The following UBE2E2 variants were observed in gnomAD, a reference collection of about 807,000 sequenced individuals.
The protein encoded by UBE2E2 is ubiquitin-conjugating enzyme E2 E2.
A neutral mutation model predicts 24.7 loss-of-function variants in UBE2E2; 6 were observed. That is an observed-to-expected ratio of 0.24 (90% CI 0.13 to 0.48). The LOEUF (loss-of-function observed/expected upper bound fraction) is 0.48, where lower values mean the gene tolerates loss of function less well. Ranked by LOEUF, UBE2E2 falls within the 20% of genes least tolerant of loss-of-function variation. UBE2E2 has a pLI of 0.99. For missense variants in UBE2E2, 169 were observed against 245.0 expected (o/e 0.69, Z 2.07); for synonymous variants, 104 against 83.6 (o/e 1.24, Z -1.33).
chr3:23,417,990 G>A (rs1697683640), intron 3 of UBE2E2, among the ~76,000 whole-genome samples: 1 of 152,154 alleles, frequency 6.6e-6, no homozygotes, highest in Non-Finnish European at 1.5e-5. Context: ...TTAGCTTGCT[G>A]GGCTCCGTGG....
At chr3:23,460,055 C>CT in intron 3 of UBE2E2, among the ~76,000 whole-genome samples, 1 of 152,180 alleles carries the variant, frequency 6.6e-6, no homozygotes. Flanking sequence ...GATTAAGTGA[C>CT]TAAGCCGGCT....
At chr3:23,258,809 C>A (rs1480382395) in intron 3 of UBE2E2, among the ~76,000 whole-genome samples, 2 of 141,410 alleles carry the variant, frequency 1.4e-5, no homozygotes. Flanking sequence ...AGGAGAATGG[C>A]GTGAACCCGG....
At chr3:23,330,769 C>T (rs868743114) in intron 3 of UBE2E2, among the ~76,000 whole-genome samples, 18 of 152,238 alleles carry the variant, frequency 1.2e-4, no homozygotes, top group South Asian at 8.3e-4. Flanking sequence ...AAGAACAGAT[C>T]GAATTACTAT....
intron 5 of UBE2E2, among the ~76,000 whole-genome samples, chr3:23,533,772 G>A (rs1382072031): frequency 2.6e-5 from 4 of 151,842 alleles, no homozygotes; most frequent in Admixed American, 6.6e-5. Context: ...ACAGCCGTGT[G>A]CCGCCAAGCC....
chr3:23,281,814 T>C (rs1249994170), intron 3 of UBE2E2, among the ~76,000 whole-genome samples: 1 of 152,256 alleles, frequency 6.6e-6, no homozygotes. Flanking sequence ...AGAAATATGA[T>C]ATACAAAATA....
At chr3:23,506,559 C>T (rs891069206) in intron 4 of UBE2E2, among the ~76,000 whole-genome samples, 30 of 152,284 alleles carry the variant, frequency 2.0e-4, no homozygotes, top group African/African-American at 6.7e-4. Flanking sequence ...CGCAAACCAC[C>T]GTCAACTGTT....
At chr3:23,364,572 A>G (rs750968305) in intron 3 of UBE2E2, among the ~76,000 whole-genome samples, 12 of 152,214 alleles carry the variant, frequency 7.9e-5, no homozygotes, top group Non-Finnish European at 1.3e-4. Context: ...AGATTGAACC[A>G]GGAAGAAGTT....
intron 5 of UBE2E2, among the ~76,000 whole-genome samples, chr3:23,555,281 C>T (rs1695750818): frequency 6.6e-6 from 1 of 152,108 alleles, no homozygotes; most frequent in African/African-American, 2.4e-5. Flanking sequence ...AAAAGGTGTT[C>T]AGCATCACTA....
intron 5 of UBE2E2, among the ~76,000 whole-genome samples, chr3:23,571,540 G>A (rs552980854): frequency 3.3e-5 from 5 of 151,508 alleles, no homozygotes; most frequent in Admixed American, 6.6e-5. Flanking sequence ...CGCCCATCTC[G>A]GCCTCCCAAA....
At chr3:23,300,957 A>G (rs1300354631) in intron 3 of UBE2E2, among the ~76,000 whole-genome samples, 2 of 152,116 alleles carry the variant, frequency 1.3e-5, no homozygotes, top group African/African-American at 4.8e-5. Context: ...ACATAGTCCC[A>G]TATTTCTTGG....
intron 3 of UBE2E2, among the ~76,000 whole-genome samples, chr3:23,268,973 A>G (rs1420919080): frequency 2.0e-5 from 3 of 151,952 alleles, no homozygotes; most frequent in Non-Finnish European, 2.9e-5. Flanking sequence ...TATTTAATAA[A>G]TGGTGCTGGG....
chr3:23,453,943 C>A (rs1030622669), intron 3 of UBE2E2, among the ~76,000 whole-genome samples: 1 of 152,152 alleles, frequency 6.6e-6, no homozygotes, highest in African/African-American at 2.4e-5. Flanking sequence ...CCTAGAATGT[C>A]TGCTATAAAA....
chr3:23,420,135 C>G (rs749308212), intron 3 of UBE2E2, among the ~76,000 whole-genome samples: 2 of 152,154 alleles, frequency 1.3e-5, no homozygotes, highest in Non-Finnish European at 1.5e-5. Context: ...GTTTTCTAAC[C>G]TGAATTATTA....
At chr3:23,557,220 C>G (rs1472009614) in intron 5 of UBE2E2, among the ~76,000 whole-genome samples, 3 of 152,134 alleles carry the variant, frequency 2.0e-5, no homozygotes, top group African/African-American at 7.2e-5. Flanking sequence ...TGAGGAGCAC[C>G]TCCTACAACC....
chr3:23,257,926 TTTC>T, intron 3 of UBE2E2, among the ~76,000 whole-genome samples: 1 of 151,788 alleles, frequency 6.6e-6, no homozygotes, highest in African/African-American at 2.4e-5. Context: ...TTTAGATCTC[TTTC>T]GTCTATTCCT....
At chr3:23,375,107 T>C (rs1219151785) in intron 3 of UBE2E2, among the ~76,000 whole-genome samples, 1 of 152,188 alleles carries the variant, frequency 6.6e-6, no homozygotes, top group Non-Finnish European at 1.5e-5. Context: ...AATGTGGTGC[T>C]ATAAAAGGGT....
intron 3 of UBE2E2, among the ~76,000 whole-genome samples, chr3:23,387,000 A>G (rs1696818347): frequency 6.6e-6 from 1 of 152,202 alleles, no homozygotes; most frequent in African/African-American, 2.4e-5. Context: ...ATTTTAAAGT[A>G]CCTGCTATTT....
intron 3 of UBE2E2, among the ~76,000 whole-genome samples, chr3:23,371,283 A>C (rs1696393491): frequency 6.6e-6 from 1 of 152,102 alleles, no homozygotes; most frequent in Non-Finnish European, 1.5e-5. Context: ...CTCCCACCTC[A>C]GCCTCCCAAA....
At chr3:23,255,370 AG>A (rs1165190684) in intron 3 of UBE2E2, among the ~76,000 whole-genome samples, 2 of 151,974 alleles carry the variant, frequency 1.3e-5, no homozygotes, top group Non-Finnish European at 2.9e-5. Flanking sequence ...CTGGGATTAC[AG>A]GCGTGAGCTA....
Sources: allele counts gnomAD v4.1 joint callset (sites outside exome capture counted in the v4.1 genomes callset), GRCh38; gene constraint gnomAD v4.1.1; transcripts MANE v1.5; gene names NCBI Gene and HGNC (gene_info 2026-07-23, HGNC 2026-07-21).